Variants in NELL2 observed in about 807,000 individuals in gnomAD.
NELL2 encodes the protein neural EGFL like 2.
NELL2 carries 41 observed loss-of-function variants against 109.6 expected under a neutral mutation model. That is an observed-to-expected ratio of 0.37 (90% CI 0.29 to 0.49). The LOEUF (loss-of-function observed/expected upper bound fraction) is 0.49. NELL2 is among the 20% of genes least tolerant of loss of function. The pLI is 0.98. For synonymous variants in NELL2, 355 were observed against 344.7 expected (o/e 1.03, Z -0.33); for missense variants, 900 against 1,008.3 (o/e 0.89, Z 1.45).
At chr12:44,732,257 G>T (rs1320824241) in intron 9 of NELL2, among the ~76,000 whole-genome samples, 1 of 151,848 alleles carries the variant, frequency 6.6e-6, no homozygotes, top group African/African-American at 2.4e-5. Flanking sequence ...ACCCTAAATA[G>T]CTGAAAAAAT....
intron 13 of NELL2, among the ~76,000 whole-genome samples, chr12:44,624,108 C>A (rs749819029): frequency 6.6e-5 from 10 of 152,118 alleles, no homozygotes; most frequent in Non-Finnish European, 1.5e-4. Context: ...ACATCCTGCA[C>A]ATGTACCCTA....
intron 3 of NELL2, among the ~76,000 whole-genome samples, chr12:44,797,554 C>A (rs900430611): frequency 3.3e-5 from 5 of 151,800 alleles, no homozygotes; most frequent in African/African-American, 1.2e-4. Context: ...GACCTGACAA[C>A]TTGGCCAGTT....
At chr12:44,850,960 C>T (rs2136778411) in intron 2 of NELL2, among the ~76,000 whole-genome samples, 1 of 152,244 alleles carries the variant, frequency 6.6e-6, no homozygotes, top group East Asian at 1.9e-4. Context: ...ACAAATTTTG[C>T]TCTTGGGACT....
chr12:44,517,373 C>CTCTT, intron 19 of NELL2, among the ~76,000 whole-genome samples: 1 of 990 alleles, frequency 1.0e-3, no homozygotes, highest in Non-Finnish European at 2.0e-3. Context: ...CAACTACTTT[C>CTCTT]TCTCTCTCTC....
At chr12:44,512,091 G>C (rs1326124796) in intron 19 of NELL2, among the ~76,000 whole-genome samples, 1 of 152,106 alleles carries the variant, frequency 6.6e-6, no homozygotes, top group Non-Finnish European at 1.5e-5. Flanking sequence ...CATCTGACAA[G>C]AGATTCATAC....
chr12:44,526,697 A>G (rs1468662437), intron 16 of NELL2, among the ~76,000 whole-genome samples: 1 of 152,214 alleles, frequency 6.6e-6, no homozygotes, highest in Non-Finnish European at 1.5e-5. Flanking sequence ...CGTGGAAAAT[A>G]TGGTTGACGT....
intron 9 of NELL2, among the ~76,000 whole-genome samples, chr12:44,741,683 C>A (rs898939225): frequency 2.0e-5 from 3 of 152,238 alleles, no homozygotes; most frequent in South Asian, 2.1e-4. Flanking sequence ...GAGGGTCCTA[C>A]GCCCACAGAG....
intron 5 of NELL2, among the ~76,000 whole-genome samples, chr12:44,778,462 C>G (rs1941833196): frequency 6.6e-6 from 1 of 152,058 alleles, no homozygotes. Context: ...CTGTACAACT[C>G]TAATGGATAC....
chr12:44,838,105 CA>C (rs1944111027), intron 2 of NELL2, among the ~76,000 whole-genome samples: 1 of 152,152 alleles, frequency 6.6e-6, no homozygotes, highest in Non-Finnish European at 1.5e-5. Flanking sequence ...TTACCTTTCT[CA>C]CTTTTAAAAT....
intron 1 of NELL2, chr12:44,881,835 G>A (rs1006711043): frequency 6.6e-6 from 1 of 151,892 alleles, no homozygotes; most frequent in Non-Finnish European, 1.5e-5. Context: ...TCCATAACCA[G>A]AGTGCTGAAA....
chr12:44,634,622 G>A (rs568272130), intron 13 of NELL2, among the ~76,000 whole-genome samples: 1 of 152,232 alleles, frequency 6.6e-6, no homozygotes, highest in East Asian at 1.9e-4. Context: ...GAATAGTGCT[G>A]CAATAAACAT....
intron 15 of NELL2, among the ~76,000 whole-genome samples, chr12:44,589,997 C>T (rs964264122): frequency 1.3e-5 from 2 of 152,292 alleles, no homozygotes; most frequent in South Asian, 2.1e-4. Flanking sequence ...CTGAGTCACA[C>T]TGATACCTAC....
chr12:44,791,868 C>T (rs1942447769), intron 3 of NELL2, among the ~76,000 whole-genome samples: 1 of 151,690 alleles, frequency 6.6e-6, no homozygotes, highest in Admixed American at 6.6e-5. Flanking sequence ...AACAGAGGTC[C>T]ATATGGGCAT....
intron 13 of NELL2, among the ~76,000 whole-genome samples, chr12:44,632,662 C>G (rs1158420361): frequency 6.6e-6 from 1 of 151,890 alleles, no homozygotes; most frequent in Non-Finnish European, 1.5e-5. Flanking sequence ...TAAATGTTGA[C>G]TAACATTTAA....
intron 2 of NELL2, among the ~76,000 whole-genome samples, chr12:44,829,394 A>C (rs1021795134): frequency 6.6e-6 from 1 of 152,160 alleles, no homozygotes; most frequent in African/African-American, 2.4e-5. Flanking sequence ...TATTTAAACC[A>C]ATCCAAAATG....
intron 9 of NELL2, among the ~76,000 whole-genome samples, chr12:44,743,177 C>T (rs1376513496): frequency 2.0e-5 from 3 of 152,124 alleles, no homozygotes; most frequent in Non-Finnish European, 2.9e-5. Context: ...ATTTTCAACC[C>T]AGAATTTCAT....
chr12:44,899,600 G>C (rs1945636365), intron 1 of NELL2, among the ~76,000 whole-genome samples: 1 of 152,152 alleles, frequency 6.6e-6, no homozygotes, highest in Admixed American at 6.5e-5. Flanking sequence ...CCTTACAAGA[G>C]CTTCTGAAGT....
chr12:44,546,722 C>G (rs1048362716), intron 15 of NELL2, among the ~76,000 whole-genome samples: 5 of 152,246 alleles, frequency 3.3e-5, no homozygotes, highest in Middle Eastern at 3.4e-3. Flanking sequence ...TCAATCAGAT[C>G]AGTTGTACAA....
At chr12:44,779,125 GC>G (rs1293972716) in intron 5 of NELL2, among the ~76,000 whole-genome samples, 2 of 152,138 alleles carry the variant, frequency 1.3e-5, no homozygotes, top group East Asian at 3.8e-4. Flanking sequence ...GTCCCTTAGA[GC>G]CTCTCCAATG....
Sources: gnomAD v4.1 joint callset for allele counts (sites outside exome capture counted in the v4.1 genomes callset) on GRCh38, gnomAD v4.1.1 for gene constraint, MANE v1.5 for transcripts, NCBI Gene and HGNC (gene_info 2026-07-23, HGNC 2026-07-21) for gene names.